DUSP16: variants seen among roughly 807,000 people sequenced by gnomAD.
DUSP16 encodes the protein dual specificity phosphatase 16.
In DUSP16, 21 loss-of-function variants were observed where a neutral mutation model predicts 58.3. That is an observed-to-expected ratio of 0.36 (90% CI 0.26 to 0.52). The LOEUF is 0.52. Among genes scored for constraint, DUSP16 ranks in the 20% least tolerant of loss-of-function variants. The pLI is 0.94. For synonymous variants in DUSP16, 320 were observed against 323.8 expected, an observed-to-expected ratio of 0.99 and a Z score of 0.12; for missense variants, 726 against 819.0, an observed-to-expected ratio of 0.89 and a Z score of 1.39.
intron 1 of DUSP16, among the ~76,000 whole-genome samples, chr12:12,535,946 G>C (rs977956886): frequency 1.3e-5 from 2 of 152,144 alleles, no homozygotes; most frequent in Non-Finnish European, 1.5e-5. Flanking sequence ...AGAGTAAAAG[G>C]GGCTAGATGG....
At chr12:12,498,786 A>C (rs1943869536) in intron 4 of DUSP16, among the ~76,000 whole-genome samples, 1 of 152,192 alleles carries the variant, frequency 6.6e-6, no homozygotes. Flanking sequence ...CTTGCAGAAT[A>C]AAAATAAAAG....
At chr12:12,481,772 T>C (rs1465226526) in intron 5 of DUSP16, among the ~76,000 whole-genome samples, 2 of 151,948 alleles carry the variant, frequency 1.3e-5, no homozygotes, top group African/African-American at 4.8e-5. Flanking sequence ...AGTAAGAACA[T>C]ATAAACTCGT....
intron 3 of DUSP16, among the ~76,000 whole-genome samples, chr12:12,514,363 C>T (rs1944118213): frequency 6.6e-6 from 1 of 152,154 alleles, no homozygotes; most frequent in African/African-American, 2.4e-5. Flanking sequence ...GATCAGAAGA[C>T]CCTGAAACCT....
intron 1 of DUSP16, among the ~76,000 whole-genome samples, chr12:12,558,458 T>C (rs1332649803): frequency 6.6e-6 from 1 of 152,052 alleles, no homozygotes; most frequent in Non-Finnish European, 1.5e-5. Context: ...CATAGCTCAC[T>C]GCAGCCTTGA....
chr12:12,555,257 G>A (rs1336206046), intron 1 of DUSP16, among the ~76,000 whole-genome samples: 5 of 152,204 alleles, frequency 3.3e-5, no homozygotes, highest in East Asian at 3.8e-4. Context: ...CAGAGACCCC[G>A]TTCTAGAGTG....
At chr12:12,482,793 T>TA (rs1943597166) in intron 5 of DUSP16, among the ~76,000 whole-genome samples, 1 of 152,192 alleles carries the variant, frequency 6.6e-6, no homozygotes. Context: ...TAGCTCACTG[T>TA]AACTGTGAGC....
At chr12:12,513,250 G>A (rs1944103493) in intron 3 of DUSP16, among the ~76,000 whole-genome samples, 1 of 152,332 alleles carries the variant, frequency 6.6e-6, no homozygotes, top group Non-Finnish European at 1.5e-5. Flanking sequence ...GCATAAAACA[G>A]AGTAGACTTT....
In DUSP16 at chr12:12,519,964, C is replaced by T. The variant is rs972560123; in HGVS notation, c.265G>A (p.Asp89Asn). 8 of 1,613,966 alleles carry T rather than the reference C, an allele frequency of 5.0e-6. No homozygotes were observed. The highest frequency in any genetic ancestry group is 1.7e-5 in the Admixed American group (1 of 59,996). The change falls in exon 3 of 7, where the codon GAT becomes AAT. Residue 89 changes from aspartate to asparagine, a missense_variant. Asp to Asn is a conservative substitution (Grantham distance 23). Coordinates refer to ENST00000298573, the MANE Select transcript of DUSP16 (RefSeq NM_030640.3). ...IDCSQKVVVYDQSSQDVASLS... is the reference protein window; with the variant it reads ...IDCSQKVVVYNQSSQDVASLS... ...GAGGCAACATCTTGGGAGCTTTGAT[C>T]GTAAACTACAACCTTCTGACTGCAA...
At chr12:12,483,517 A>C (rs1221116955) in intron 5 of DUSP16, among the ~76,000 whole-genome samples, 1 of 152,098 alleles carries the variant, frequency 6.6e-6, no homozygotes, top group East Asian at 1.9e-4. Flanking sequence ...GAAGTAACTT[A>C]CTCAAACCAC....
At chr12:12,559,057 C>G (rs755827964) in intron 1 of DUSP16, among the ~76,000 whole-genome samples, 1 of 152,120 alleles carries the variant, frequency 6.6e-6, no homozygotes, top group Non-Finnish European at 1.5e-5. Context: ...ATTCGGCCAA[C>G]CTTTATGAAC....
intron 5 of DUSP16, among the ~76,000 whole-genome samples, chr12:12,483,035 C>G (rs1054726898): frequency 6.6e-6 from 1 of 152,138 alleles, no homozygotes; most frequent in African/African-American, 2.4e-5. Context: ...ACGCAGAAAA[C>G]TAAGAAGCCT....
At chr12:12,532,382 T>C (rs1043816252) in intron 1 of DUSP16, among the ~76,000 whole-genome samples, 3 of 152,158 alleles carry the variant, frequency 2.0e-5, no homozygotes, top group Non-Finnish European at 2.9e-5. Flanking sequence ...TCATGATATA[T>C]TGAGAATAAA....
intron 1 of DUSP16, among the ~76,000 whole-genome samples, chr12:12,546,553 G>A (rs1566050698): frequency 6.6e-6 from 1 of 152,110 alleles, no homozygotes; most frequent in African/African-American, 2.4e-5. Context: ...TTGTAAGAAG[G>A]GACTGGTAAT....
At chr12:12,534,947 A>G (rs1944444331) in intron 1 of DUSP16, among the ~76,000 whole-genome samples, 1 of 152,254 alleles carries the variant, frequency 6.6e-6, no homozygotes, top group South Asian at 2.1e-4. Flanking sequence ...CTCATGTTCC[A>G]GATACTAAGT....
rs552382795 is a variant in DUSP16 at position 12,483,758 on chromosome 12, A to G, written c.691+3270T>C. The stretch of plus-strand genomic sequence containing the variant: ...ATAGCACAAACGGGCAAACTCTGTT[A>G]CTGGCACATTAACTAAAAGACAAAA... On this transcript the variant is annotated intron_variant, in intron 5 of 6. Transcript: ENST00000298573. 4.6e-5 allele frequency among the ~76,000 whole-genome samples: 7 copies of G among 152,268 alleles called. No homozygotes were observed. The South Asian group carries it at 1.5e-3, about 32-fold the overall frequency.
intron 3 of DUSP16, among the ~76,000 whole-genome samples, chr12:12,508,760 G>T (rs549282180): frequency 6.6e-6 from 1 of 152,218 alleles, no homozygotes; most frequent in Non-Finnish European, 1.5e-5. Context: ...TGACACAGTT[G>T]GGAAATGGGA....
chr12:12,558,764 G>A (rs1209203905), intron 1 of DUSP16, among the ~76,000 whole-genome samples: 1 of 146,198 alleles, frequency 6.8e-6, no homozygotes, highest in East Asian at 2.1e-4. Flanking sequence ...AGAAGGGCGT[G>A]AAGTTTCATT....
chr12:12,503,743 C>G (rs973096437), intron 3 of DUSP16, among the ~76,000 whole-genome samples: 1 of 152,136 alleles, frequency 6.6e-6, no homozygotes, highest in Non-Finnish European at 1.5e-5. Flanking sequence ...AGAGTCAGAG[C>G]ACATGTTAAC....
intron 3 of DUSP16, among the ~76,000 whole-genome samples, chr12:12,517,586 C>A (rs769362143): frequency 6.6e-6 from 1 of 152,156 alleles, no homozygotes; most frequent in Non-Finnish European, 1.5e-5. Context: ...CCTACCCTGA[C>A]GAAAAAATTC....
Sources: allele counts gnomAD v4.1 joint callset (sites outside exome capture counted in the v4.1 genomes callset), GRCh38; gene constraint gnomAD v4.1.1; transcripts MANE v1.5; gene names NCBI Gene and HGNC (gene_info 2026-07-23, HGNC 2026-07-21).